KLF3: variants seen among roughly 807,000 people sequenced by gnomAD.
KLF3 encodes Krueppel-like factor 3.
In KLF3, 6 loss-of-function variants were observed where a neutral mutation model predicts 32.7. The observed-to-expected ratio is 0.18, with a 90% CI of 0.10 to 0.36. KLF3 has a LOEUF of 0.36. KLF3 is among the 10% of genes least tolerant of loss of function. KLF3 has a pLI of 1.00. For synonymous variants in KLF3, 145 were observed against 172.8 expected (o/e 0.84, Z 1.26); for missense variants, 338 against 449.7 (o/e 0.75, Z 2.25).
intron 4 of KLF3, among the ~76,000 whole-genome samples, chr4:38,691,959 G>C (rs1002132775): frequency 2.8e-4 from 43 of 152,310 alleles, no homozygotes; most frequent in African/African-American, 1.0e-3. Flanking sequence ...AGACTTAAAA[G>C]TACAGCTTTG....
chr4:38,689,962 G>T, intron 4 of KLF3, 83 bp downstream of exon 4: 6 of 1,389,644 alleles, frequency 4.3e-6, no homozygotes, highest in Non-Finnish European at 5.9e-6. Context: ...TTTCACACGT[G>T]TGATGTGGTG....
At chr4:38,690,135 T>G in intron 4 of KLF3, 2 of 408,336 alleles carry the variant, frequency 4.9e-6, no homozygotes, top group Admixed American at 4.2e-5. Context: ...TTTTGCACCT[T>G]ACCACATGAA....
intron 1 of KLF3, chr4:38,664,666 G>C (rs1349543477): frequency 1.3e-5 from 2 of 151,888 alleles, no homozygotes; most frequent in African/African-American, 4.8e-5. Context: ...CAAGCAAGGA[G>C]GAGGGGGTCA....
chr4:38,683,979 T>C (rs543644984), intron 2 of KLF3, among the ~76,000 whole-genome samples: 1 of 152,326 alleles, frequency 6.6e-6, no homozygotes, highest in African/African-American at 2.4e-5. Flanking sequence ...TGTGTGTTTA[T>C]ACACGCACCA....
At chr4:38,669,170 A>T (rs1056096059) in intron 1 of KLF3, among the ~76,000 whole-genome samples, 1 of 152,254 alleles carries the variant, frequency 6.6e-6, no homozygotes, top group African/African-American at 2.4e-5. Context: ...CAATTACATT[A>T]TTCTGGAACT....
At chr4:38,665,917 T>C (rs79997802) in intron 1 of KLF3, among the ~76,000 whole-genome samples, 4,808 of 152,302 alleles carry the variant, frequency 0.032, 244 homozygotes, top group African/African-American at 0.11. Flanking sequence ...CATTAATATC[T>C]ACAAATTTTT....
rs766867955 is a variant in KLF3, at chr4:38,680,577, T to C, written c.-39-10T>C. ...TGAGACTTAGATGGATACCTTGTTT[T>C]GTTTTCTAGGCCAAACACCAGAGCA... is the stretch of plus-strand genomic sequence containing the variant. On this transcript the variant is annotated splice_polypyrimidine_tract_variant and intron_variant, in intron 1 of 5. Transcript: ENST00000261438. 5.0e-6 allele frequency: 7 copies of C among 1,388,044 alleles called. No individual in the cohort carries two copies. In the Admixed American group the frequency reaches 8.4e-5, roughly 17 times the overall value. 86.0% of individuals were successfully genotyped at this position (1,388,044 alleles called of 1,614,324 possible).
intron 3 of KLF3, 106 bp from the exon 4 acceptor site, chr4:38,689,623 A>G (rs1722817283): frequency 3.8e-6 from 3 of 795,488 alleles, no homozygotes; most frequent in Non-Finnish European, 5.9e-6. Context: ...CCAAAGGCAA[A>G]TAAACCTGTC....
chr4:38,688,947 G>T lies in KLF3; in HGVS notation c.420G>T (p.Gly140=), dbSNP rs929385270. The change falls in exon 3 of 6, where the codon GGG becomes GGT. Residue 140 remains glycine (G), a synonymous_variant. Transcript: ENST00000261438. This position sits in a 1 kb window ranked among gnomAD's most constrained non-coding sequence, Gnocchi z 4.9. The part of the protein sequence containing the change: ...ALSRHGIRSP[G]ILPVIQPVVV... ...CGCGGCATGGAATACGGAGCCCGGG[G>T]ATCCTGCCCGTCATCCAGCCGGTGG... is the stretch of plus-strand genomic sequence containing the variant. 7 of 1,614,260 alleles carry T rather than the reference G, an allele frequency of 4.3e-6. No homozygotes were observed. Among genetic ancestry groups the T allele is most frequent in the Middle Eastern group, 1.6e-4 (1 of 6,062 alleles).
chr4:38,671,304 ATTTAC>A lies in KLF3; in HGVS notation c.-40+6846_-40+6850del, dbSNP rs1722192110. Among the ~76,000 whole-genome samples the A allele has an allele frequency of 6.6e-6, 1 of 152,196 alleles. No individual in the cohort carries two copies. Among genetic ancestry groups the A allele is most frequent in the South Asian group, 2.1e-4 (1 of 4,828 alleles). ...GTGCAGTTATTATGAGGATTTCCGT[ATTTAC>A]TTGGGTCAAGCTGCCAATTTTTCTC... On this transcript the variant is annotated intron_variant, in intron 1 of 5. Transcript: ENST00000261438. The surrounding 1 kb of genome is among the most constrained non-coding windows in gnomAD (Gnocchi z 4.4).
At chr4:38,673,564 G>A (rs900537290) in intron 1 of KLF3, among the ~76,000 whole-genome samples, 2 of 152,220 alleles carry the variant, frequency 1.3e-5, no homozygotes. Flanking sequence ...ATAAACAAGT[G>A]TGTAACCCTA....
Position 38,701,027 on chromosome 4 carries a change from CCAT to C in KLF3, c.*3767_*3769del, listed in dbSNP as rs1560422884. 1 of 152,134 alleles carries C rather than the reference CCAT, an allele frequency of 6.6e-6. No individual in the cohort carries two copies. Among genetic ancestry groups the C allele is most frequent in the Non-Finnish European group, 1.5e-5 (1 of 68,020 alleles). The allele number at this position is 152,134 out of a possible 1,614,324, so 9.4% of individuals were successfully genotyped here. A position where few individuals can be genotyped will look rare whatever the true frequency, so the allele number is the denominator to read the frequency against. On this transcript the variant is annotated 3_prime_UTR_variant, in exon 6 of 6. Transcript: ENST00000261438. ...ATATATTATATACTTGTTAATAAAA[CCAT>C]CAGAATATTAAATGTGATCATGTGA... is the stretch of plus-strand genomic sequence containing the variant.
At position 38,697,985 on chromosome 4, in the gene KLF3, A is replaced by G. The variant is rs1335279705; in HGVS notation, c.*722A>G. 6.6e-6 allele frequency: 1 copy of G among 152,186 alleles called. No homozygotes were observed. Among genetic ancestry groups the G allele is most frequent in the Non-Finnish European group, 1.5e-5 (1 of 68,052 alleles). 9.4% of individuals were successfully genotyped at this position (152,186 alleles called of 1,614,324 possible). A position where few individuals can be genotyped will look rare whatever the true frequency, so the allele number is the denominator to read the frequency against. ...TAGCATGGAGTCGGAGGAGAGGGCC[A>G]TTTAGCAGGGGGAGCAGAAGAGGCA... On this transcript the variant is annotated 3_prime_UTR_variant, in exon 6 of 6. Coordinates refer to ENST00000261438, the MANE Select transcript of KLF3 (RefSeq NM_016531.6).
chr4:38,673,316 G>A (rs1451300280), intron 1 of KLF3, among the ~76,000 whole-genome samples: 4 of 152,268 alleles, frequency 2.6e-5, no homozygotes, highest in African/African-American at 9.6e-5. Context: ...GCTCCTTAGG[G>A]TGGAGTTGGG....
At position 38,688,587 on chromosome 4, in the gene KLF3, A is replaced by T. The variant is rs771521122; in HGVS notation, c.60A>T (p.Ser20=). The T allele has an allele frequency of 1.1e-5, 17 of 1,596,750 alleles. No homozygotes were observed. Among genetic ancestry groups the T allele is most frequent in the Non-Finnish European group, 3.4e-6 (4 of 1,166,898 alleles). ...KQEAMDPVSV[S]YPSNYMESMK... Reference sequence around the variant, plus strand: ...GTTTTCCTTTTCTTTTCTAATAGTCATACCCATCTAATTACATGGAATCCA... The same window carrying T: ...GTTTTCCTTTTCTTTTCTAATAGTCTTACCCATCTAATTACATGGAATCCA... The change falls in exon 3 of 6, where the codon TCA becomes TCT. Residue 20 remains serine, a splice_region_variant and synonymous_variant. Transcript: ENST00000261438. This position sits in a 1 kb window ranked among gnomAD's most constrained non-coding sequence, Gnocchi z 4.9.
intron 1 of KLF3, among the ~76,000 whole-genome samples, chr4:38,679,990 G>A (rs1418656561): frequency 2.6e-5 from 4 of 152,090 alleles, no homozygotes; most frequent in African/African-American, 4.8e-5. Flanking sequence ...AAGCTTTGGC[G>A]CTCAGAAGGG....
At position 38,674,737 on chromosome 4, in the gene KLF3, G is replaced by A. The variant is rs1055626945; in HGVS notation, c.-39-5850G>A. ...TGGAGAAAGGAAGAAATAGGGAGAT[G>A]AGAAGGGAGAACGTCAGAGGCAGGT... On this transcript the variant is annotated intron_variant, in intron 1 of 5. Transcript: ENST00000261438. The surrounding 1 kb of genome is among the most constrained non-coding windows in gnomAD (Gnocchi z 4.1). 9.2e-5 allele frequency among the ~76,000 whole-genome samples: 14 copies of A among 152,014 alleles called. No individual in the cohort carries two copies. The highest frequency in any genetic ancestry group is 3.1e-4 in the African/African-American group (13 of 41,358).
At chr4:38,695,005 T>A (rs1723007180) in intron 5 of KLF3, 99 bp downstream of exon 5, 3 of 1,072,560 alleles carry the variant, frequency 2.8e-6, no homozygotes, top group Non-Finnish European at 4.0e-6. Context: ...ATCTTGAAAG[T>A]CACCACAGTC....
At position 38,674,175 on chromosome 4, in the gene KLF3, A is replaced by G. The variant is rs571716413; in HGVS notation, c.-39-6412A>G. ...CAAGAATGTCTAGGTAGGAAATTCC[A>G]GGTAGGTGCCAGTGCTTAGCTTTGT... is the stretch of plus-strand genomic sequence containing the variant. On this transcript the variant is annotated intron_variant, in intron 1 of 5. Coordinates refer to ENST00000261438, the MANE Select transcript of KLF3 (RefSeq NM_016531.6). The surrounding 1 kb of genome is among the most constrained non-coding windows in gnomAD (Gnocchi z 4.1). Among the ~76,000 whole-genome samples the G allele has an allele frequency of 6.6e-6, 1 of 152,314 alleles. No homozygotes were observed. Among genetic ancestry groups the G allele is most frequent in the East Asian group, 1.9e-4 (1 of 5,182 alleles).
Sources: gnomAD v4.1 joint callset for allele counts (sites outside exome capture counted in the v4.1 genomes callset) on GRCh38, gnomAD v4.1.1 for gene constraint, Gnocchi (gnomAD v3.1) non-coding constraint, MANE v1.5 for transcripts, NCBI Gene and HGNC (gene_info 2026-07-23, HGNC 2026-07-21) for gene names.